KTN1: variants seen among roughly 807,000 people sequenced by gnomAD.
KTN1 encodes the protein kinectin 1.
Under a neutral mutation model 222.5 loss-of-function variants are expected in KTN1, and 130 were observed. That is an observed-to-expected ratio of 0.58 (90% CI 0.51 to 0.68). The LOEUF (loss-of-function observed/expected upper bound fraction) is 0.68. Ranked by LOEUF, KTN1 falls within the 30% of genes least tolerant of loss-of-function variation. The pLI is 0.00. For missense variants in KTN1, 1,508 were observed against 1,500.4 expected (o/e 1.01, Z -0.08); for synonymous variants, 512 against 496.3 (o/e 1.03, Z -0.42).
At chr14:55,602,134 A>C (rs190066163) in intron 1 of KTN1, among the ~76,000 whole-genome samples, 2 of 152,326 alleles carry the variant, frequency 1.3e-5, no homozygotes, top group Admixed American at 6.5e-5. Flanking sequence ...AATAACTTAG[A>C]GCAAACTAAA....
intron 37 of KTN1, 90 bp from the exon 38 acceptor site, chr14:55,672,540 A>G: frequency 1.4e-6 from 1 of 738,768 alleles, no homozygotes; most frequent in Non-Finnish European, 2.3e-6. Context: ...AAACCTTGGA[A>G]GTGTCTTTTA....
intron 19 of KTN1, among the ~76,000 whole-genome samples, chr14:55,647,781 A>G (rs1198476750): frequency 6.7e-6 from 1 of 149,868 alleles, no homozygotes; most frequent in Non-Finnish European, 1.5e-5. Flanking sequence ...CATCTCTACT[A>G]AAAATACAAA....
At chr14:55,595,890 C>T (rs1430836397) in intron 1 of KTN1, among the ~76,000 whole-genome samples, 1 of 151,958 alleles carries the variant, frequency 6.6e-6, no homozygotes, top group Non-Finnish European at 1.5e-5. Context: ...CGCGGTGGCT[C>T]ACGCCTGTAA....
chr14:55,634,893 GA>G (rs1338781714), intron 9 of KTN1, among the ~76,000 whole-genome samples: 2 of 152,046 alleles, frequency 1.3e-5, no homozygotes, highest in African/African-American at 4.8e-5. Flanking sequence ...AATGCCGAGC[GA>G]GGGGGAAGAC....
chr14:55,610,056 T>G (rs1293431144), intron 1 of KTN1, among the ~76,000 whole-genome samples: 1 of 152,234 alleles, frequency 6.6e-6, no homozygotes, highest in Non-Finnish European at 1.5e-5. Context: ...ATGATTCCTT[T>G]TCCCCCTTAA....
Position 55,648,115 on chromosome 14 carries a change from T to C in KTN1, c.2298T>C (p.Asn766=), listed in dbSNP as rs369697692. 2.4e-4 allele frequency: 361 copies of C among 1,491,124 alleles called. No homozygotes were observed. The highest frequency in any genetic ancestry group is 7.4e-4 in the Admixed American group (37 of 50,128). The allele number at this position is 1,491,124 out of a possible 1,614,324, so 92.4% of individuals were successfully genotyped here. The change falls in exon 20 of 44, where the codon AAT becomes AAC. Residue 766 remains asparagine, a splice_region_variant and synonymous_variant. Transcript: ENST00000395314. The part of the protein sequence containing the change: ...IQVATKEEEL[N]AIRTENSSLT... Reference sequence around the variant, plus strand: ...TGGCAACTAAAGAAGAGGAGCTGAATGTAAAGCATTTTGTAGTTTTGTTTT... The same window carrying C: ...TGGCAACTAAAGAAGAGGAGCTGAACGTAAAGCATTTTGTAGTTTTGTTTT...
intron 1 of KTN1, among the ~76,000 whole-genome samples, chr14:55,586,400 C>CT (rs1228993687): frequency 6.6e-6 from 1 of 152,036 alleles, no homozygotes; most frequent in African/African-American, 2.4e-5. Context: ...CTGTCAAACT[C>CT]TAAATGCTTT....
Position 55,647,114 on chromosome 14 carries a change from T to C in KTN1, c.2207+107T>C, listed in dbSNP as rs1157017527. 5.4e-6 allele frequency: 4 copies of C among 742,632 alleles called. No homozygotes were observed. In the African/African-American group the frequency reaches 7.1e-5, roughly 13 times the overall value. 46.0% of individuals were successfully genotyped at this position (742,632 alleles called of 1,614,324 possible). On this transcript the variant is annotated intron_variant, in intron 19 of 43. Transcript: ENST00000395314. ...TTTAAACTTTGTAATGGAAGAAATG[T>C]AGTATGCTGTTGATTTGGGATTACA... is the stretch of plus-strand genomic sequence containing the variant.
intron 1 of KTN1, among the ~76,000 whole-genome samples, chr14:55,582,256 A>T (rs1020617364): frequency 6.6e-6 from 1 of 152,200 alleles, no homozygotes; most frequent in Non-Finnish European, 1.5e-5. Flanking sequence ...TTTTAATACC[A>T]GTAGTCTCTT....
intron 1 of KTN1, among the ~76,000 whole-genome samples, chr14:55,605,504 C>G (rs2036596826): frequency 6.6e-6 from 1 of 152,088 alleles, no homozygotes; most frequent in Non-Finnish European, 1.5e-5. Context: ...TTGTTTCTGC[C>G]ACGGGTACTC....
intron 1 of KTN1, among the ~76,000 whole-genome samples, chr14:55,599,557 A>G (rs959244200): frequency 1.3e-5 from 2 of 150,454 alleles, no homozygotes; most frequent in Admixed American, 6.6e-5. Flanking sequence ...CCTCTGCCGC[A>G]CAGAAGCACA....
chr14:55,607,446 T>G (rs948861865), intron 1 of KTN1: 2 of 152,056 alleles, frequency 1.3e-5, no homozygotes, highest in Non-Finnish European at 2.9e-5. Context: ...ACCTGGAGAT[T>G]ATATGTAAAA....
chr14:55,659,307 GTTTTT>G (rs772118269), intron 30 of KTN1, among the ~76,000 whole-genome samples: 2 of 120,646 alleles, frequency 1.7e-5, no homozygotes, highest in Non-Finnish European at 3.6e-5. Context: ...TTTGATTTCT[GTTTTT>G]TTTTTTTTTT....
At chr14:55,581,931 G>A (rs1297463764) in intron 1 of KTN1, among the ~76,000 whole-genome samples, 1 of 151,070 alleles carries the variant, frequency 6.6e-6, no homozygotes, top group Non-Finnish European at 1.5e-5. Flanking sequence ...TTAGTTTAAG[G>A]ATCTAACCTG....
intron 1 of KTN1, among the ~76,000 whole-genome samples, chr14:55,581,058 C>T (rs1048044175): frequency 1.9e-4 from 29 of 152,368 alleles, no homozygotes; most frequent in South Asian, 2.1e-4. Flanking sequence ...AGGGGTGTGT[C>T]CTAGCGATTC....
At chr14:55,655,298 T>G (rs1162629630) in intron 28 of KTN1, among the ~76,000 whole-genome samples, 1 of 152,238 alleles carries the variant, frequency 6.6e-6, no homozygotes, top group Admixed American at 6.5e-5. Context: ...CTTCTTTTAC[T>G]TAGCAATATG....
intron 1 of KTN1, among the ~76,000 whole-genome samples, chr14:55,584,356 G>C (rs1168259921): frequency 1.3e-5 from 2 of 152,194 alleles, no homozygotes; most frequent in African/African-American, 4.8e-5. Flanking sequence ...GCTCTGCCCT[G>C]ATAGAAGTTG....
chr14:55,680,094 A>T (rs1035602907), intron 43 of KTN1: 3 of 167,070 alleles, frequency 1.8e-5, no homozygotes, highest in African/African-American at 7.2e-5. Context: ...ATTTTAACTG[A>T]GGTAAGGTTG....
At chr14:55,612,836 T>C (rs936254056) in intron 2 of KTN1, among the ~76,000 whole-genome samples, 2 of 151,904 alleles carry the variant, frequency 1.3e-5, no homozygotes, top group Admixed American at 6.6e-5. Flanking sequence ...GAGGACCCCT[T>C]GAGCCCAGGT....
Sources: gnomAD v4.1 joint callset for allele counts (sites outside exome capture counted in the v4.1 genomes callset) on GRCh38, gnomAD v4.1.1 for gene constraint, MANE v1.5 for transcripts, NCBI Gene and HGNC (gene_info 2026-07-23, HGNC 2026-07-21) for gene names.